The following SGCD variants were observed in gnomAD, a reference collection of about 807,000 sequenced individuals.
The protein encoded by SGCD is delta-sarcoglycan.
SGCD carries 18 observed loss-of-function variants against 36.6 expected under a neutral mutation model. The ratio of observed to expected loss-of-function variants is 0.49; its 90% CI spans 0.34 to 0.73. The LOEUF is 0.73. Among genes scored for constraint, SGCD ranks in the 30% least tolerant of loss-of-function variants. The pLI, the probability that SGCD is intolerant of heterozygous loss-of-function variation, is 0.01. For missense variants in SGCD, 387 were observed against 346.7 expected, an observed-to-expected ratio of 1.12 and a Z score of -0.92; for synonymous variants, 133 against 130.6, an observed-to-expected ratio of 1.02 and a Z score of -0.12.
chr5:156,411,319 C>T (rs1772740004), intron 3 of SGCD, among the ~76,000 whole-genome samples: 1 of 152,208 alleles, frequency 6.6e-6, no homozygotes, highest in Non-Finnish European at 1.5e-5. Flanking sequence ...TCCCCACCCT[C>T]CTTGTAAACT....
chr5:156,552,073 T>C (rs1445656296), intron 4 of SGCD, among the ~76,000 whole-genome samples: 4 of 152,214 alleles, frequency 2.6e-5, no homozygotes, highest in Non-Finnish European at 5.9e-5. Flanking sequence ...GTCCATAGCA[T>C]GGACATCTGT....
intron 3 of SGCD, among the ~76,000 whole-genome samples, chr5:156,282,105 G>A (rs1766469433): frequency 6.6e-6 from 1 of 152,008 alleles, no homozygotes; most frequent in African/African-American, 2.4e-5. Flanking sequence ...TGTGATTCAT[G>A]TCGACTCCCT....
intron 3 of SGCD, among the ~76,000 whole-genome samples, chr5:156,390,473 T>C (rs761464703): frequency 7.9e-5 from 12 of 152,168 alleles, no homozygotes; most frequent in Non-Finnish European, 1.5e-4. Flanking sequence ...CACGCCTGTA[T>C]TCCCAGCACT....
the SGCD span, among the ~76,000 whole-genome samples, chr5:155,746,683 A>G: frequency 6.6e-6 from 1 of 151,980 alleles, no homozygotes; most frequent in Non-Finnish European, 1.5e-5. Context: ...GTTTGTAGGA[A>G]TCTTCCTTCC....
chr5:156,642,400 T>G lies in SGCD; in HGVS notation c.503-5064T>G, dbSNP rs55913965. Among the ~76,000 whole-genome samples, 756 of 152,032 alleles carry G rather than the reference T, an allele frequency of 5.0e-3. 3 individuals carry two copies. The highest frequency in any genetic ancestry group is 6.5e-3 in the Non-Finnish European group (443 of 67,988). On this transcript the variant is annotated intron_variant, in intron 6 of 8. Coordinates refer to ENST00000337851, the MANE Select transcript of SGCD (RefSeq NM_000337.6). The stretch of plus-strand genomic sequence containing the variant: ...GGCTCTGCAATCCCTGAGCCAAACT[T>G]TCTCTCTAGTCTCACCACATGATAT...
intron 1 of SGCD, among the ~76,000 whole-genome samples, chr5:156,042,834 C>A (rs181993970): frequency 6.6e-6 from 1 of 152,198 alleles, no homozygotes; most frequent in East Asian, 1.9e-4. Context: ...TTGTGACCTA[C>A]AGAATAATGG....
At chr5:155,907,989 A>T (rs776758011) in intron 1 of SGCD, among the ~76,000 whole-genome samples, 1 of 152,100 alleles carries the variant, frequency 6.6e-6, no homozygotes, top group Non-Finnish European at 1.5e-5. Flanking sequence ...TGCCACAGCC[A>T]CTCCAACACT....
At chr5:155,867,842 A>G (rs1433231607), upstream of SGCD, among the ~76,000 whole-genome samples, 2 of 152,160 alleles carry the variant, frequency 1.3e-5, no homozygotes, top group African/African-American at 4.8e-5. Context: ...TGTTTTTGAG[A>G]TGAAGAAAAG....
At chr5:156,562,640 T>A (rs1030185002) in intron 4 of SGCD, among the ~76,000 whole-genome samples, 2 of 152,088 alleles carry the variant, frequency 1.3e-5, no homozygotes, top group Admixed American at 1.3e-4. Context: ...ATATATATTT[T>A]AAAATGACCA....
At chr5:156,042,089 T>C (rs751535032) in intron 1 of SGCD, among the ~76,000 whole-genome samples, 3 of 152,144 alleles carry the variant, frequency 2.0e-5, no homozygotes, top group East Asian at 3.9e-4. Flanking sequence ...TTCTAATGTG[T>C]TCCGTTCTTG....
At chr5:155,986,171 T>A (rs1758325290) in intron 1 of SGCD, among the ~76,000 whole-genome samples, 1 of 152,240 alleles carries the variant, frequency 6.6e-6, no homozygotes, top group Admixed American at 6.5e-5. Flanking sequence ...AACATTTTAT[T>A]GGTAATTATG....
chr5:156,405,569 A>G (rs1772360470), intron 3 of SGCD, among the ~76,000 whole-genome samples: 2 of 152,168 alleles, frequency 1.3e-5, no homozygotes, highest in African/African-American at 4.8e-5. Context: ...CACAGATTGA[A>G]AATATCCCAT....
In SGCD at chr5:156,269,505, A is replaced by AAAAAAAAAC. The variant is rs1189540837; in HGVS notation, c.-43-60024_-43-60023insAAACAAAAA. Among the ~76,000 whole-genome samples the AAAAAAAAAC allele has an allele frequency of 1.6e-4, 14 of 86,196 alleles. 1 individual carries two copies. Among genetic ancestry groups the AAAAAAAAAC allele is most frequent in the Non-Finnish European group, 2.9e-4 (12 of 41,326 alleles). The allele number at this position is 86,196 out of a possible 152,430, so 56.5% of individuals were successfully genotyped here. A position where few individuals can be genotyped will look rare whatever the true frequency, so the allele number is the denominator to read the frequency against. ...AAAAAAAAAAAAAAAAAAAAAAAAA[A>AAAAAAAAAC]AAAAACCATCAGATCTCATGAAACT... On this transcript the variant is annotated intron_variant, in intron 3 of 9. Coordinates refer to the SGCD transcript ENST00000517913.
At chr5:156,190,807 G>C (rs1223684936) in intron 3 of SGCD, among the ~76,000 whole-genome samples, 2 of 152,040 alleles carry the variant, frequency 1.3e-5, no homozygotes, top group Non-Finnish European at 2.9e-5. Context: ...CCAGCTCTAA[G>C]AATTTTCTTC....
intron 1 of SGCD, among the ~76,000 whole-genome samples, chr5:155,967,880 C>T (rs1036185): frequency 0.042 from 6,441 of 151,974 alleles, 227 homozygotes; most frequent in East Asian, 0.19. Context: ...ACCTTTTTTT[C>T]TTCCTCATAA....
the SGCD span, among the ~76,000 whole-genome samples, chr5:155,771,865 T>C: frequency 1.3e-5 from 2 of 152,204 alleles, no homozygotes; most frequent in Non-Finnish European, 2.9e-5. Context: ...GTTTCTAGAT[T>C]CTTATCTAAT....
rs368282836 is a variant in SGCD, at chr5:156,337,459, A to T, written c.4-7030A>T. On this transcript the variant is annotated intron_variant, in intron 2 of 8. Transcript: ENST00000337851. The stretch of plus-strand genomic sequence containing the variant: ...GGAGGTGCCCCACCTCTTTCTACAA[A>T]CTCACCTCTCACCCTCTCCTCTGAG... Among the ~76,000 whole-genome samples the T allele has an allele frequency of 7.6e-4, 116 of 152,046 alleles. 2 individuals carry two copies. The South Asian group carries it at 0.022, about 28-fold the overall frequency.
intron 1 of SGCD, among the ~76,000 whole-genome samples, chr5:155,904,921 C>T (rs555188549): frequency 6.6e-6 from 1 of 152,268 alleles, no homozygotes; most frequent in South Asian, 2.1e-4. Context: ...CAACCTTGAG[C>T]ATGACAATCT....
At chr5:155,966,691 A>G (rs558471450) in intron 1 of SGCD, among the ~76,000 whole-genome samples, 2 of 152,188 alleles carry the variant, frequency 1.3e-5, no homozygotes, top group East Asian at 3.9e-4. Flanking sequence ...TGGAAGTGAT[A>G]ATAATGGTCT....
Sources: allele counts gnomAD v4.1 joint callset (sites outside exome capture counted in the v4.1 genomes callset), GRCh38; gene constraint gnomAD v4.1.1; transcripts MANE v1.5; gene names NCBI Gene and HGNC (gene_info 2026-07-23, HGNC 2026-07-21).